Variants in ADGRB2 observed in about 807,000 individuals in gnomAD.
ADGRB2 encodes brain-specific angiogenesis inhibitor 2.
ADGRB2 carries 47 observed loss-of-function variants against 178.7 expected under a neutral mutation model. The ratio of observed to expected loss-of-function variants is 0.26; its 90% CI spans 0.21 to 0.34. The LOEUF is 0.34. ADGRB2 is among the 10% of genes least tolerant of loss of function. The pLI is 1.00. For synonymous variants in ADGRB2, 870 were observed against 912.4 expected (o/e 0.95, Z 0.84); for missense variants, 1,584 against 2,180.8 (o/e 0.73, Z 5.45).
chr1:31,764,078 C>A lies in ADGRB2; in HGVS notation c.-385G>T. ...CGCGGAGCAGCGCGGGGCGGGCGGG[C>A]GGGCGGCGCCGGGCCGGGCGCGGGC... On this transcript the variant is annotated 5_prime_UTR_variant, in exon 1 of 33. Transcript: ENST00000373658. This position sits in a 1 kb window ranked among gnomAD's most constrained non-coding sequence, Gnocchi z 7.3. 1 of 74,830 alleles carries A rather than the reference C, an allele frequency of 1.3e-5. No homozygotes were observed. Among genetic ancestry groups the A allele is most frequent in the Non-Finnish European group, 2.7e-5 (1 of 37,728 alleles). 4.6% of individuals were successfully genotyped at this position (74,830 alleles called of 1,614,324 possible).
Position 31,744,164 on chromosome 1 carries a change from A to G in ADGRB2, c.1087+29T>C, listed in dbSNP as rs371870965. ...CCAGGCAGGACCTAACCCTGCAGGC[A>G]GGTGGGGTGGGGAGGAGGATGGGCC... On this transcript the variant is annotated intron_variant, in intron 6 of 32. Transcript: ENST00000373658. The surrounding 1 kb of genome is among the most constrained non-coding windows in gnomAD (Gnocchi z 6.7). The G allele has an allele frequency of 1.1e-3, 1,624 of 1,501,136 alleles. 1 individual carries two copies. Among genetic ancestry groups the G allele is most frequent in the Middle Eastern group, 1.6e-3 (9 of 5,760 alleles). 93.0% of individuals were successfully genotyped at this position (1,501,136 alleles called of 1,614,324 possible).
In ADGRB2 at chr1:31,730,652, T is replaced by C. The variant is rs1242638428; in HGVS notation, c.4380+148A>G. On this transcript the variant is annotated intron_variant, in intron 29 of 32. Transcript: ENST00000373658. ...ATTCACAGACACCACGGAGCTGCCATGAGCAGAAACAGAGAAATGCTCAGT... is the reference window on the plus strand; with the variant it reads ...ATTCACAGACACCACGGAGCTGCCACGAGCAGAAACAGAGAAATGCTCAGT... 6 of 1,115,966 alleles carry C rather than the reference T, an allele frequency of 5.4e-6. No individual in the cohort carries two copies. In the Admixed American group the frequency reaches 1.3e-4, roughly 23 times the overall value. The allele number at this position is 1,115,966 out of a possible 1,614,324, so 69.1% of individuals were successfully genotyped here. A position where few individuals can be genotyped will look rare whatever the true frequency, so the allele number is the denominator to read the frequency against.
At chr1:31,747,896 A>C (rs1332429493) in intron 4 of ADGRB2, among the ~76,000 whole-genome samples, 5 of 152,240 alleles carry the variant, frequency 3.3e-5, no homozygotes, top group African/African-American at 4.8e-5. Flanking sequence ...GGGACCACTA[A>C]GACAGGCTCA....
intron 7 of ADGRB2, 60 bp from the exon 8 acceptor site, chr1:31,742,277 G>A (rs1459781034): frequency 6.5e-7 from 1 of 1,535,484 alleles, no homozygotes; most frequent in African/African-American, 1.4e-5. Context: ...GGCTGGTGGT[G>A]TGGAGAACCA....
At chr1:31,757,350 G>C (rs879342534) in intron 2 of ADGRB2, 32 bp downstream of exon 2, 50 of 1,176,490 alleles carry the variant, frequency 4.2e-5, no homozygotes, top group Non-Finnish European at 6.2e-5. Context: ...GCAATTTGAG[G>C]TTATTCCTGG....
rs1646002061 is a variant in ADGRB2 at position 31,742,038 on chromosome 1, G to A, written c.1417+15C>T. 2 of 1,597,366 alleles carry A rather than the reference G, an allele frequency of 1.3e-6. No homozygotes were observed. Among genetic ancestry groups the A allele is most frequent in the Non-Finnish European group, 1.7e-6 (2 of 1,169,974 alleles). ...GTCAGAGCTGCAACTTGCCACCACT[G>A]TGCCAAGCACTCACCCGGGCACTCG... is the stretch of plus-strand genomic sequence containing the variant. On this transcript the variant is annotated intron_variant, in intron 8 of 32. Coordinates refer to ENST00000373658, the MANE Select transcript of ADGRB2 (RefSeq NM_001364857.2).
rs758290139 is a variant in ADGRB2 at position 31,756,073 on chromosome 1, C to T, written c.764G>A (p.Gly255Asp). ...HTLSNALVPG[G>D]PAPPAEADLH... ...ATCGGCCTCAGCAGGTGGGGCTGGG[C>T]CCCCGGGCACCAGGGCATTGGACAG... The change falls in exon 4 of 33, where the codon GGC (glycine) becomes GAC (aspartate). Residue 255 changes from glycine (G) to aspartate (D), a missense_variant. Gly to Asp is a moderately conservative substitution (Grantham distance 94). Around this residue, in one of 3 missense-constraint regions of ADGRB2, gnomAD observed 657 missense variants for 847.6 expected, o/e 0.78. Coordinates refer to ENST00000373658, the MANE Select transcript of ADGRB2 (RefSeq NM_001364857.2). The surrounding 1 kb of genome is among the most constrained non-coding windows in gnomAD (Gnocchi z 8.5). The T allele has an allele frequency of 4.3e-6, 7 of 1,613,888 alleles. No homozygotes were observed. The highest frequency in any genetic ancestry group is 4.0e-5 in the African/African-American group (3 of 74,932).
chr1:31,736,861 C>G (rs1371576000), intron 20 of ADGRB2, 138 bp from the exon 21 acceptor site: 1 of 1,325,856 alleles, frequency 7.5e-7, no homozygotes, highest in East Asian at 2.5e-5. Flanking sequence ...TGCCAGGCAC[C>G]CCCGCCTTCC....
intron 1 of ADGRB2, among the ~76,000 whole-genome samples, chr1:31,760,048 T>C (rs1312892029): frequency 6.6e-6 from 1 of 152,198 alleles, no homozygotes; most frequent in African/African-American, 2.4e-5. Flanking sequence ...CGCTGCCCTC[T>C]TGCCTGCTGA....
Position 31,731,430 on chromosome 1 carries a change from G to A in ADGRB2, c.3761-11C>T. The A allele has an allele frequency of 1.3e-6, 2 of 1,568,598 alleles. No homozygotes were observed. The highest frequency in any genetic ancestry group is 8.7e-7 in the Non-Finnish European group (1 of 1,154,258). On this transcript the variant is annotated splice_polypyrimidine_tract_variant and intron_variant, in intron 28 of 32. Coordinates refer to ENST00000373658, the MANE Select transcript of ADGRB2 (RefSeq NM_001364857.2). The stretch of plus-strand genomic sequence containing the variant: ...CCTCCTTGAACAGCACTGGGGGCAG[G>A]AGTGGGAGGGAGGGGGTGAGTCCTG...
rs145483457 is a variant in ADGRB2, at chr1:31,728,212, G to A, written c.4485C>T (p.Phe1495=). ...CCGTGGACTGGCTGCGGTAGCGGTC[G>A]AAAGTGTGGAACTTCTGGTTGAGCT... ...YHELNQKFHT[F]DRYRSQSTAK... is the part of the protein sequence containing the mutation. Residue 1495 remains phenylalanine, a synonymous_variant, in exon 31 of 33, where the codon TTC becomes TTT. Transcript: ENST00000373658. This position sits in a 1 kb window ranked among gnomAD's most constrained non-coding sequence, Gnocchi z 6.7. 5.0e-6 allele frequency: 8 copies of A among 1,614,080 alleles called. No homozygotes were observed. The highest frequency in any genetic ancestry group is 2.2e-5 in the East Asian group (1 of 44,900).
In ADGRB2 at chr1:31,730,858, C is replaced by T. The variant is rs1451727282; in HGVS notation, c.4322G>A (p.Arg1441His). 4 of 1,543,492 alleles carry T rather than the reference C, an allele frequency of 2.6e-6. No individual in the cohort carries two copies. The highest frequency in any genetic ancestry group is 2.1e-5 in the Admixed American group (1 of 48,332). Residue 1441 changes from arginine to histidine, a missense_variant, in exon 29 of 33, where the codon CGC (arginine) becomes CAC (histidine). Around this residue, in one of 3 missense-constraint regions of ADGRB2, gnomAD observed 865 missense variants for 1,192.8 expected, o/e 0.73. Transcript: ENST00000373658. ...SARQVPEPGE[R>H]SRTMPRTVPG... ...CACGGTGCGAGGCATGGTCCGGCTGCGCTCCCCTGGCTCGGGCACTTGGCG... is the reference window on the plus strand; with the variant it reads ...CACGGTGCGAGGCATGGTCCGGCTGTGCTCCCCTGGCTCGGGCACTTGGCG...
rs1647044661 is a variant in ADGRB2, at chr1:31,761,639, G to T, written c.-191+2245C>A. ...AGTTGCAGGACCAAGGAGGAGATGA[G>T]GGAAACTGACAGTCACTGGCTCCCC... is the stretch of plus-strand genomic sequence containing the variant. On this transcript the variant is annotated intron_variant, in intron 1 of 32. Transcript: ENST00000373658. The surrounding 1 kb of genome is among the most constrained non-coding windows in gnomAD (Gnocchi z 4.2). Among the ~76,000 whole-genome samples the T allele has an allele frequency of 6.6e-6, 1 of 152,164 alleles. No homozygotes were observed. Among genetic ancestry groups the T allele is most frequent in the Admixed American group, 6.5e-5 (1 of 15,268 alleles).
chr1:31,764,136 C>G lies in ADGRB2; in HGVS notation c.-443G>C. The G allele has an allele frequency of 1.2e-6, 1 of 812,334 alleles. No homozygotes were observed. Among genetic ancestry groups the G allele is most frequent in the Non-Finnish European group, 1.5e-6 (1 of 675,736 alleles). 50.3% of individuals were successfully genotyped at this position (812,334 alleles called of 1,614,324 possible). On this transcript the variant is annotated 5_prime_UTR_variant, in exon 1 of 33. Coordinates refer to ENST00000373658, the MANE Select transcript of ADGRB2 (RefSeq NM_001364857.2). The surrounding 1 kb of genome is among the most constrained non-coding windows in gnomAD (Gnocchi z 7.3). Reference sequence around the variant, plus strand: ...GCCGCCGCCGCCGCCGCCTCCTTGCCGCGCCGCCCCCCGCTCCCCCGCTCC... The same window carrying G: ...GCCGCCGCCGCCGCCGCCTCCTTGCGGCGCCGCCCCCCGCTCCCCCGCTCC...
chr1:31,757,642 T>G (rs906457559), intron 1 of ADGRB2, 131 bp from the exon 2 acceptor site: 39 of 218,584 alleles, frequency 1.8e-4, no homozygotes, highest in Middle Eastern at 1.8e-3. Flanking sequence ...GTGCAGAAAT[T>G]CCCCCTCTTA....
Position 31,756,528 on chromosome 1 carries a change from G to A in ADGRB2, c.309C>T (p.Tyr103=), listed in dbSNP as rs750045614. ...GCCGCAGGCAGGTAAAGTTGACCAGGTAGTGGTCCAGGGGCAGCAGGCGGG... is the reference window on the plus strand; with the variant it reads ...GCCGCAGGCAGGTAAAGTTGACCAGATAGTGGTCCAGGGGCAGCAGGCGGG... The part of the protein sequence containing the change: ...FAPRLLPLDH[Y]LVNFTCLRPS... The change falls in exon 4 of 33, where the codon TAC becomes TAT. Residue 103 remains tyrosine, a synonymous_variant. Transcript: ENST00000373658. This position sits in a 1 kb window ranked among gnomAD's most constrained non-coding sequence, Gnocchi z 8.5. 5.6e-6 allele frequency: 9 copies of A among 1,613,232 alleles called. No homozygotes were observed. Among genetic ancestry groups the A allele is most frequent in the South Asian group, 5.5e-5 (5 of 91,004 alleles).
Position 31,732,157 on chromosome 1 carries a change from A to G in ADGRB2, c.3721-3T>C. On this transcript the variant is annotated splice_polypyrimidine_tract_variant and splice_region_variant and intron_variant, in intron 27 of 32. Coordinates refer to ENST00000373658, the MANE Select transcript of ADGRB2 (RefSeq NM_001364857.2). ...TCCACATCCTTTTCAAAGTCTGACT[A>G]TAGGCAGAAAGGGAGGGGCAGGTGG... 6.2e-7 allele frequency: 1 copy of G among 1,614,038 alleles called. No individual in the cohort carries two copies. The highest frequency in any genetic ancestry group is 8.5e-7 in the Non-Finnish European group (1 of 1,179,958).
rs2148950339 is a variant in ADGRB2, at chr1:31,740,494, G to A, written c.1842C>T (p.Gly614=). ...AKGQRMLAGE[G]MSQVVRSLQE... ...GCAGGCTGCGCACCACCTGCGACATGCCCTCGCCTGCCAGCATGCGCTGCC... is the reference window on the plus strand; with the variant it reads ...GCAGGCTGCGCACCACCTGCGACATACCCTCGCCTGCCAGCATGCGCTGCC... The change falls in exon 12 of 33, where the codon GGC becomes GGT. Residue 614 remains glycine (G), a synonymous_variant. Transcript: ENST00000373658. This position sits in a 1 kb window ranked among gnomAD's most constrained non-coding sequence, Gnocchi z 5.9. 1.2e-6 allele frequency: 2 copies of A among 1,612,600 alleles called. No homozygotes were observed. Among genetic ancestry groups the A allele is most frequent in the African/African-American group, 1.3e-5 (1 of 75,028 alleles).
At chr1:31,752,080 G>C (rs1292602560) in intron 4 of ADGRB2, among the ~76,000 whole-genome samples, 2 of 152,140 alleles carry the variant, frequency 1.3e-5, no homozygotes, top group Non-Finnish European at 2.9e-5. Context: ...AACTGAACCC[G>C]GACTGGGCGA....
Sources: allele counts gnomAD v4.1 joint callset (sites outside exome capture counted in the v4.1 genomes callset), GRCh38; gene constraint gnomAD v4.1.1; regional missense constraint gnomAD v4.1.1; non-coding constraint Gnocchi (gnomAD v3.1); transcripts MANE v1.5; gene names NCBI Gene and HGNC (gene_info 2026-07-23, HGNC 2026-07-21).